SPIDR: variants seen among roughly 807,000 people sequenced by gnomAD.
SPIDR encodes the protein scaffold protein involved in DNA repair, also known as DNA repair-scaffolding protein.
In SPIDR, 93 loss-of-function variants were observed where a neutral mutation model predicts 104.6. That is an observed-to-expected ratio of 0.89 (90% CI 0.75 to 1.06). SPIDR has a LOEUF of 1.06. Among genes scored for constraint, SPIDR ranks in the 50% least tolerant of loss-of-function variants. The pLI is 0.00. For missense variants in SPIDR, 1,154 were observed against 1,111.2 expected (o/e 1.04, Z -0.55); for synonymous variants, 431 against 416.9 (o/e 1.03, Z -0.41).
chr8:47,384,120 C>T (rs2059621707), intron 5 of SPIDR, among the ~76,000 whole-genome samples: 1 of 152,164 alleles, frequency 6.6e-6, no homozygotes, highest in African/African-American at 2.4e-5. Context: ...TTTTTCCCTA[C>T]TGAATTCTTA....
intron 10 of SPIDR, chr8:47,659,613 T>TCCCCGCCCCCA (rs1334577099): frequency 1.9e-5 from 2 of 106,780 alleles, no homozygotes; most frequent in African/African-American, 6.8e-5. Flanking sequence ...CCCCAATGCG[T>TCCCCGCCCCCA]CCCCGCCCCC....
intron 8 of SPIDR, among the ~76,000 whole-genome samples, chr8:47,491,776 T>C (rs1183203753): frequency 6.6e-6 from 1 of 151,938 alleles, no homozygotes; most frequent in Admixed American, 6.6e-5. Flanking sequence ...TTTGAGCCCA[T>C]GAGTTCAAGG....
intron 3 of SPIDR, among the ~76,000 whole-genome samples, chr8:47,288,924 C>A (rs1262679147): frequency 2.0e-5 from 3 of 152,168 alleles, no homozygotes; most frequent in Non-Finnish European, 2.9e-5. Context: ...ACCATTATTC[C>A]ATGACATACA....
intron 7 of SPIDR, among the ~76,000 whole-genome samples, chr8:47,410,370 G>C (rs2063340836): frequency 6.6e-6 from 1 of 151,714 alleles, no homozygotes; most frequent in African/African-American, 2.4e-5. Flanking sequence ...TAGTTGAGAT[G>C]GGGTTTCGCC....
chr8:47,291,110 G>A lies in SPIDR; in HGVS notation c.334G>A (p.Asp112Asn), dbSNP rs935941089. ...CAGTGGAAGTGATTTGTCGGATGAA[G>A]ATAAGACACTTTCTCAGTTACAGAG... ...SSSGSDLSDE[D>N]KTLSQLQRDE... The change falls in exon 4 of 20, where the codon GAT becomes AAT. Residue 112 changes from aspartate (D) to asparagine (N), a missense_variant. Transcript: ENST00000297423. 1.9e-6 allele frequency: 3 copies of A among 1,612,772 alleles called. No individual in the cohort carries two copies. Among genetic ancestry groups the A allele is most frequent in the Non-Finnish European group, 1.7e-6 (2 of 1,179,242 alleles).
intron 7 of SPIDR, among the ~76,000 whole-genome samples, chr8:47,438,144 C>T (rs376732208): frequency 1.1e-4 from 17 of 152,150 alleles, no homozygotes; most frequent in African/African-American, 1.4e-4. Flanking sequence ...TGCCACAGTG[C>T]GCAGAACCAA....
chr8:47,721,385 T>G (rs2083368798), intron 16 of SPIDR, among the ~76,000 whole-genome samples: 5 of 152,228 alleles, frequency 3.3e-5, no homozygotes, highest in Admixed American at 2.6e-4. Context: ...TGTTCCTTTG[T>G]CAAAGATCAG....
intron 8 of SPIDR, among the ~76,000 whole-genome samples, chr8:47,541,594 C>T (rs1319677734): frequency 6.6e-6 from 1 of 151,994 alleles, no homozygotes; most frequent in African/African-American, 2.4e-5. Context: ...CAGTAATTAT[C>T]AATTATTAGA....
chr8:47,503,584 A>T (rs537975833), intron 8 of SPIDR, among the ~76,000 whole-genome samples: 1 of 152,098 alleles, frequency 6.6e-6, no homozygotes, highest in Admixed American at 6.5e-5. Context: ...TCTCGACTCT[A>T]TCCAATTTGC....
At chr8:47,498,299 A>T (rs1422363970) in intron 8 of SPIDR, among the ~76,000 whole-genome samples, 1 of 152,190 alleles carries the variant, frequency 6.6e-6, no homozygotes, top group Non-Finnish European at 1.5e-5. Context: ...AAAGGCACTT[A>T]TTGGCAAACG....
intron 5 of SPIDR, among the ~76,000 whole-genome samples, chr8:47,360,529 G>A (rs1315216012): frequency 6.6e-6 from 1 of 152,160 alleles, no homozygotes; most frequent in African/African-American, 2.4e-5. Context: ...GGCAGGTGGT[G>A]AAAACCCGTA....
chr8:47,671,578 C>T (rs1039906902), intron 10 of SPIDR, among the ~76,000 whole-genome samples: 1 of 83,542 alleles, frequency 1.2e-5, no homozygotes, highest in African/African-American at 7.3e-5. Flanking sequence ...GAGCAAGACT[C>T]CATCTCAAAA....
chr8:47,294,246 C>A, intron 5 of SPIDR: 1 of 488,808 alleles, frequency 2.0e-6, no homozygotes, highest in Non-Finnish European at 3.4e-6. Context: ...TTCTCTTTCA[C>A]TTCCCACCCT....
chr8:47,421,863 T>C (rs1180266681), intron 7 of SPIDR, among the ~76,000 whole-genome samples: 1 of 152,244 alleles, frequency 6.6e-6, no homozygotes, highest in Non-Finnish European at 1.5e-5. Flanking sequence ...TGTTGGAGTT[T>C]GCTGGAGGTC....
chr8:47,714,169 G>C lies in SPIDR; in HGVS notation c.2341+528G>C, dbSNP rs188165557. Among the ~76,000 whole-genome samples the C allele has an allele frequency of 4.8e-4, 73 of 152,194 alleles. 1 individual carries two copies. The highest frequency in any genetic ancestry group is 1.6e-3 in the African/African-American group (67 of 41,532). On this transcript the variant is annotated intron_variant, in intron 16 of 19. Coordinates refer to ENST00000297423, the MANE Select transcript of SPIDR (RefSeq NM_001080394.4). ...AGTGTGTTCTGTCATTGGTACAGGCGGCCTGGTCTGATGTCCTCCCTGCAG... is the reference window on the plus strand; with the variant it reads ...AGTGTGTTCTGTCATTGGTACAGGCCGCCTGGTCTGATGTCCTCCCTGCAG...
At chr8:47,311,607 A>G (rs2044171376) in intron 5 of SPIDR, among the ~76,000 whole-genome samples, 1 of 152,138 alleles carries the variant, frequency 6.6e-6, no homozygotes, top group African/African-American at 2.4e-5. Flanking sequence ...TGCTTGAGCT[A>G]AGGAGTTTGA....
At chr8:47,560,460 C>T (rs1407378963) in intron 8 of SPIDR, among the ~76,000 whole-genome samples, 2 of 152,156 alleles carry the variant, frequency 1.3e-5, no homozygotes, top group East Asian at 3.9e-4. Flanking sequence ...CTGGCTGTTG[C>T]TTCAAGTCCT....
At chr8:47,309,615 T>C (rs2043747511) in intron 5 of SPIDR, among the ~76,000 whole-genome samples, 1 of 152,254 alleles carries the variant, frequency 6.6e-6, no homozygotes, top group Non-Finnish European at 1.5e-5. Context: ...TGGGTCATCT[T>C]ATTTCCCTTC....
intron 8 of SPIDR, chr8:47,546,919 A>G: frequency 2.6e-5 from 12 of 458,236 alleles, no homozygotes; most frequent in South Asian, 1.9e-4. Context: ...AGTAACAAAA[A>G]CGTTGGAAAG....
Sources: allele counts gnomAD v4.1 joint callset (sites outside exome capture counted in the v4.1 genomes callset), GRCh38; gene constraint gnomAD v4.1.1; transcripts MANE v1.5; gene names NCBI Gene and HGNC (gene_info 2026-07-23, HGNC 2026-07-21).